Variants in TASP1 observed in about 807,000 individuals in gnomAD.
TASP1 encodes threonine aspartase 1.
A neutral mutation model predicts 56.6 loss-of-function variants in TASP1; 16 were observed. That is an observed-to-expected ratio of 0.28 (90% CI 0.19 to 0.43). The LOEUF (loss-of-function observed/expected upper bound fraction) is 0.43, where lower values mean the gene tolerates loss of function less well. Ranked by LOEUF, TASP1 falls within the 20% of genes least tolerant of loss-of-function variation. TASP1 has a pLI of 1.00. For synonymous variants in TASP1, 179 were observed against 184.2 expected (o/e 0.97, Z 0.23); for missense variants, 393 against 511.6 (o/e 0.77, Z 2.24).
the TASP1 span, among the ~76,000 whole-genome samples, chr20:13,289,679 G>T: frequency 6.6e-6 from 1 of 151,720 alleles, no homozygotes; most frequent in Admixed American, 6.6e-5. Context: ...AGGAGGGGGA[G>T]GAGGAGGAAG....
chr20:13,339,251 A>C, the TASP1 span, among the ~76,000 whole-genome samples: 1 of 152,188 alleles, frequency 6.6e-6, no homozygotes, highest in East Asian at 1.9e-4. Context: ...CTTTGCTCCC[A>C]TTTCATGAAC....
chr20:13,269,048 T>C, the TASP1 span, among the ~76,000 whole-genome samples: 2 of 152,216 alleles, frequency 1.3e-5, no homozygotes, highest in Non-Finnish European at 2.9e-5. Context: ...ATGAGTGTTT[T>C]TATACCAGAT....
chr20:13,243,309 T>C, the TASP1 span, among the ~76,000 whole-genome samples: 15 of 152,176 alleles, frequency 9.9e-5, no homozygotes, highest in Non-Finnish European at 2.1e-4. Context: ...GGCCCTGATG[T>C]CTTCTTAGCA....
chr20:13,576,342 G>GA, intron 6 of TASP1, among the ~76,000 whole-genome samples: 1 of 131,742 alleles, frequency 7.6e-6, no homozygotes, highest in Non-Finnish European at 1.6e-5. Flanking sequence ...AGAAAGAAAG[G>GA]AAGAAAGAAA....
Position 13,442,479 on chromosome 20 carries a change from C to A in TASP1, c.986-7325G>T, listed in dbSNP as rs140961127. On this transcript the variant is annotated intron_variant, in intron 11 of 13. Transcript: ENST00000337743. ...CCAAGATAATGAAACCCTGTCTCTACTAAAAATACAAAAATTAGCCTGGCA... is the reference window on the plus strand; with the variant it reads ...CCAAGATAATGAAACCCTGTCTCTAATAAAAATACAAAAATTAGCCTGGCA... Among the ~76,000 whole-genome samples the A allele has an allele frequency of 5.9e-5, 9 of 152,120 alleles. No homozygotes were observed. In the East Asian group the frequency reaches 1.7e-3, roughly 29 times the overall value.
intron 11 of TASP1, among the ~76,000 whole-genome samples, chr20:13,446,934 T>C (rs1264351307): frequency 6.6e-6 from 1 of 152,166 alleles, no homozygotes; most frequent in African/African-American, 2.4e-5. Context: ...AGTATCCTAT[T>C]GATGGACATT....
chr20:13,111,980 A>C, the TASP1 span, among the ~76,000 whole-genome samples: 4 of 152,302 alleles, frequency 2.6e-5, no homozygotes, highest in African/African-American at 9.6e-5. Flanking sequence ...AGGACAAGGG[A>C]CCCAGGTGTG....
the TASP1 span, among the ~76,000 whole-genome samples, chr20:13,298,361 C>A: frequency 6.6e-6 from 1 of 152,152 alleles, no homozygotes; most frequent in South Asian, 2.1e-4. Context: ...GATGATCCGC[C>A]CGCCTCAGCC....
chr20:13,582,649 A>C (rs960417765), intron 5 of TASP1, among the ~76,000 whole-genome samples: 3 of 152,232 alleles, frequency 2.0e-5, no homozygotes, highest in Admixed American at 6.5e-5. Context: ...TAAAGTTCAG[A>C]AACAAACACT....
the TASP1 span, among the ~76,000 whole-genome samples, chr20:13,206,859 T>C: frequency 1.3e-5 from 2 of 152,146 alleles, no homozygotes; most frequent in Non-Finnish European, 2.9e-5. Flanking sequence ...ACAAATGGGG[T>C]TGGTGAATGC....
the TASP1 span, among the ~76,000 whole-genome samples, chr20:13,189,578 G>A: frequency 6.6e-6 from 1 of 152,036 alleles, no homozygotes; most frequent in East Asian, 1.9e-4. Flanking sequence ...AATCATCAGA[G>A]AAATGCAAAA....
the TASP1 span, among the ~76,000 whole-genome samples, chr20:13,198,851 T>A: frequency 2.8e-5 from 2 of 71,334 alleles, no homozygotes. Context: ...TCTTTCTTTC[T>A]TTCTTTCCTT....
At chr20:13,188,622 A>G in the TASP1 span, among the ~76,000 whole-genome samples, 1 of 152,196 alleles carries the variant, frequency 6.6e-6, no homozygotes, top group African/African-American at 2.4e-5. Flanking sequence ...AGCAATCTAC[A>G]GATTCAATGT....
intron 10 of TASP1, among the ~76,000 whole-genome samples, chr20:13,517,164 A>G (rs1323274861): frequency 1.3e-5 from 2 of 152,082 alleles, no homozygotes; most frequent in Non-Finnish European, 2.9e-5. Context: ...TAATATGTCA[A>G]CATATTCCTA....
At chr20:13,392,558 A>G (rs2041330702) in intron 13 of TASP1, 1 of 265,068 alleles carries the variant, frequency 3.8e-6, no homozygotes, top group African/African-American at 2.3e-5. Context: ...GAGTGGGTAA[A>G]TGACTGAAAT....
At chr20:13,487,592 T>C (rs896313979) in intron 10 of TASP1, among the ~76,000 whole-genome samples, 34 of 152,120 alleles carry the variant, frequency 2.2e-4, no homozygotes, top group Non-Finnish European at 1.5e-5. Flanking sequence ...GAATTCAGCA[T>C]GTCCCATGCT....
At chr20:13,462,331 T>C (rs1252235510) in intron 11 of TASP1, among the ~76,000 whole-genome samples, 1 of 152,194 alleles carries the variant, frequency 6.6e-6, no homozygotes, top group East Asian at 1.9e-4. Context: ...AACTTCTAAT[T>C]GTATTTAATT....
chr20:13,187,476 G>A, the TASP1 span, among the ~76,000 whole-genome samples: 6 of 151,730 alleles, frequency 4.0e-5, no homozygotes, highest in African/African-American at 1.2e-4. Flanking sequence ...AAGGCCGGGC[G>A]CAGTGGCTCA....
chr20:13,282,682 T>A, the TASP1 span, among the ~76,000 whole-genome samples: 1 of 152,228 alleles, frequency 6.6e-6, no homozygotes, highest in African/African-American at 2.4e-5. Context: ...ATCATTAGAC[T>A]GGACATCGGG....
Sources: allele counts gnomAD v4.1 joint callset (sites outside exome capture counted in the v4.1 genomes callset), GRCh38; gene constraint gnomAD v4.1.1; transcripts MANE v1.5; gene names NCBI Gene and HGNC (gene_info 2026-07-23, HGNC 2026-07-21).